PLCB1: variants seen among roughly 807,000 people sequenced by gnomAD.
The protein encoded by PLCB1 is phospholipase C beta 1.
PLCB1 carries 46 observed loss-of-function variants against 161.8 expected under a neutral mutation model. The observed-to-expected ratio is 0.28, with a 90% CI of 0.22 to 0.36. The LOEUF is 0.36. Ranked by LOEUF, PLCB1 falls within the 10% of genes least tolerant of loss-of-function variation. The probability of loss-of-function intolerance (pLI) is 1.00; values close to 1 mark genes in which losing one functional copy is unlikely to be tolerated. For missense variants in PLCB1, 1,016 were observed against 1,472.5 expected (o/e 0.69, Z 5.07); for synonymous variants, 517 against 503.7 (o/e 1.03, Z -0.35).
At chr20:8,552,624 C>CT (rs1470084954) in intron 3 of PLCB1, among the ~76,000 whole-genome samples, 1 of 152,126 alleles carries the variant, frequency 6.6e-6, no homozygotes, top group Non-Finnish European at 1.5e-5. Context: ...CTTGGCTCTG[C>CT]TTTTTTTCTG....
chr20:8,880,620 C>A (rs371894957), intron 31 of PLCB1, among the ~76,000 whole-genome samples: 10 of 152,158 alleles, frequency 6.6e-5, no homozygotes, highest in East Asian at 1.9e-4. Flanking sequence ...CTCCTTAGAC[C>A]CCAGCATTGG....
At chr20:8,716,822 T>C (rs1979343130) in intron 13 of PLCB1, among the ~76,000 whole-genome samples, 2 of 152,214 alleles carry the variant, frequency 1.3e-5, no homozygotes, top group African/African-American at 4.8e-5. Context: ...TGATGATATC[T>C]CTGCTTTGGG....
intron 31 of PLCB1, among the ~76,000 whole-genome samples, chr20:8,795,098 C>A (rs1273757523): frequency 6.6e-6 from 1 of 152,146 alleles, no homozygotes; most frequent in South Asian, 2.1e-4. Context: ...GAGCTGGGAC[C>A]TTAAGTCTTT....
chr20:8,804,712 G>A (rs1003019354), intron 31 of PLCB1, among the ~76,000 whole-genome samples: 10 of 152,004 alleles, frequency 6.6e-5, no homozygotes, highest in East Asian at 1.9e-4. Context: ...ACATAAGGCC[G>A]GGCATGGTGG....
intron 3 of PLCB1, among the ~76,000 whole-genome samples, chr20:8,424,105 A>T (rs1979647112): frequency 6.6e-6 from 1 of 152,178 alleles, no homozygotes. Context: ...GTAGGCCTAC[A>T]GGTTATTCTC....
intron 9 of PLCB1, among the ~76,000 whole-genome samples, chr20:8,681,377 A>C (rs1367218032): frequency 6.6e-6 from 1 of 152,008 alleles, no homozygotes; most frequent in Non-Finnish European, 1.5e-5. Flanking sequence ...AGACATTAAC[A>C]ATAAATGGAA....
chr20:8,564,703 G>C (rs542957478), intron 3 of PLCB1, among the ~76,000 whole-genome samples: 1 of 152,152 alleles, frequency 6.6e-6, no homozygotes, highest in South Asian at 2.1e-4. Flanking sequence ...CTCAAAAGAA[G>C]ACATTTATGC....
intron 10 of PLCB1, 88 bp from the exon 11 acceptor site, chr20:8,697,538 T>C (rs1405359249): frequency 7.5e-7 from 1 of 1,330,542 alleles, no homozygotes; most frequent in African/African-American, 1.4e-5. Context: ...CTCTTTGTTT[T>C]CCTGTTATTG....
intron 3 of PLCB1, among the ~76,000 whole-genome samples, chr20:8,505,038 T>C (rs1983580110): frequency 6.6e-6 from 1 of 152,112 alleles, no homozygotes; most frequent in African/African-American, 2.4e-5. Flanking sequence ...ATTTTGAAAG[T>C]TTTGGTAGAG....
chr20:8,227,530 C>T (rs913666584), intron 2 of PLCB1, among the ~76,000 whole-genome samples: 6 of 152,280 alleles, frequency 3.9e-5, no homozygotes, highest in African/African-American at 1.2e-4. Flanking sequence ...GGCAGCTGCT[C>T]GATGCCTTGC....
At chr20:8,544,834 A>G (rs1985472936) in intron 3 of PLCB1, among the ~76,000 whole-genome samples, 1 of 152,176 alleles carries the variant, frequency 6.6e-6, no homozygotes, top group Non-Finnish European at 1.5e-5. Flanking sequence ...ATTCTTCTCA[A>G]TAAAACACAA....
intron 9 of PLCB1, among the ~76,000 whole-genome samples, chr20:8,670,524 G>A (rs1416559241): frequency 6.6e-6 from 1 of 152,194 alleles, no homozygotes; most frequent in African/African-American, 2.4e-5. Context: ...TCTTGGAGCT[G>A]TATTTGCACA....
intron 31 of PLCB1, among the ~76,000 whole-genome samples, chr20:8,856,976 G>T (rs1193614747): frequency 6.6e-6 from 1 of 152,218 alleles, no homozygotes; most frequent in East Asian, 1.9e-4. Context: ...TATGTGTCTG[G>T]AGTCAACTGA....
intron 3 of PLCB1, among the ~76,000 whole-genome samples, chr20:8,462,667 G>A (rs867346188): frequency 2.9e-4 from 44 of 152,128 alleles, no homozygotes; most frequent in Admixed American, 2.4e-3. Context: ...AAATGTAAAC[G>A]CAATCACTTG....
At chr20:8,661,991 T>C (rs1989644341) in intron 9 of PLCB1, among the ~76,000 whole-genome samples, 1 of 113,392 alleles carries the variant, frequency 8.8e-6, no homozygotes, top group Non-Finnish European at 1.7e-5. Context: ...TATATAATTA[T>C]ATAATTATTT....
intron 3 of PLCB1, among the ~76,000 whole-genome samples, chr20:8,505,251 T>C (rs1367336314): frequency 6.6e-6 from 1 of 152,188 alleles, no homozygotes; most frequent in Admixed American, 6.5e-5. Flanking sequence ...CTCTCAACAA[T>C]GATTCTTCCA....
chr20:8,730,537 C>G (rs1980182960), intron 18 of PLCB1, among the ~76,000 whole-genome samples: 1 of 151,586 alleles, frequency 6.6e-6, no homozygotes, highest in African/African-American at 2.4e-5. Context: ...TTCTCCTTTA[C>G]TACTATTAAT....
chr20:8,613,073 G>A (rs1226801853), intron 3 of PLCB1, among the ~76,000 whole-genome samples: 1 of 152,018 alleles, frequency 6.6e-6, no homozygotes, highest in Non-Finnish European at 1.5e-5. Context: ...TGTGGATATT[G>A]GCTCTATTGC....
intron 3 of PLCB1, among the ~76,000 whole-genome samples, chr20:8,577,289 T>C (rs1032883402): frequency 7.2e-6 from 1 of 139,786 alleles, no homozygotes; most frequent in African/African-American, 2.6e-5. Context: ...AAAAAAAAAA[T>C]TAGCTGGGCG....
Sources: gnomAD v4.1 joint callset for allele counts (sites outside exome capture counted in the v4.1 genomes callset) on GRCh38, gnomAD v4.1.1 for gene constraint, MANE v1.5 for transcripts, NCBI Gene and HGNC (gene_info 2026-07-23, HGNC 2026-07-21) for gene names.